Variants in GSTM2 observed in about 807,000 individuals in gnomAD.
The protein encoded by GSTM2 is GST class-mu 2.
A neutral mutation model predicts 33.3 loss-of-function variants in GSTM2; 33 were observed. That is an observed-to-expected ratio of 0.99 (90% CI 0.75 to 1.33). GSTM2 has a LOEUF of 1.33. Ranked by LOEUF, GSTM2 falls within the 40% of genes most tolerant of loss-of-function variation. The pLI is 0.00. For missense variants in GSTM2, 213 were observed against 265.8 expected, an observed-to-expected ratio of 0.80 and a Z score of 1.38; for synonymous variants, 93 against 95.6, an observed-to-expected ratio of 0.97 and a Z score of 0.16.
downstream of GSTM2, among the ~76,000 whole-genome samples, chr1:109,677,140 T>C (rs993266192): frequency 1.3e-5 from 2 of 152,224 alleles, no homozygotes; most frequent in Non-Finnish European, 2.9e-5. Context: ...AAGATCCTAC[T>C]GTATCCCCAC....
chr1:109,670,088 C>CGGAGGGGGGGAGGGGAGT (rs1647475212), intron 5 of GSTM2: 1 of 3,676 alleles, frequency 2.7e-4, no homozygotes, highest in Non-Finnish European at 5.7e-4. Context: ...TTGGGAAGGG[C>CGGAGGGGGGGAGGGGAGT]GGAGGTGGGG....
chr1:109,669,269 C>G, intron 3 of GSTM2, 21 bp from the exon 4 acceptor site: 1 of 1,613,928 alleles, frequency 6.2e-7, no homozygotes, highest in Non-Finnish European at 8.5e-7. Context: ...ACTGAGCTTC[C>G]CCGGTTTCCC....
chr1:109,673,178 T>C, intron 7 of GSTM2: 1 of 1,610,690 alleles, frequency 6.2e-7, no homozygotes, highest in Non-Finnish European at 8.5e-7. Context: ...CCTCTTCCTC[T>C]CTTTTTTTCC....
Position 109,668,472 on chromosome 1 carries a change from C to G in GSTM2, c.84C>G (p.Tyr28Ter), listed in dbSNP as rs1369888752. Residue 28 changes from tyrosine to a stop codon, truncating the protein, a stop_gained, in exon 2 of 8, where the codon TAC (tyrosine) becomes TAG (stop). Transcript: ENST00000241337. LOFTEE classifies it high-confidence loss of function. ...TCCTGGAATACACAGACTCAAGCTA[C>G]GAGGAAAAGAAGTACACGATGGGGG... Reference protein sequence around the residue: ...RLLLEYTDSSYEEKKYTMGDA... With the variant: ...RLLLEYTDSS 2 of 1,614,146 alleles carry G rather than the reference C, an allele frequency of 1.2e-6. No homozygotes were observed. The highest frequency in any genetic ancestry group is 1.3e-5 in the African/African-American group (1 of 75,034).
rs1376081939 is a variant in GSTM2, at chr1:109,669,375, A to C, written c.259+4A>C. 1.9e-6 allele frequency: 3 copies of C among 1,614,198 alleles called. No individual in the cohort carries two copies. In the South Asian group the frequency reaches 3.3e-5, roughly 18 times the overall value. ...ATTGCCCGCAAGCACAACCTGTGTG[A>C]GTAGATTTGGTTGCAAGATGCGGGG... On this transcript the variant is annotated splice_donor_region_variant and intron_variant, in intron 4 of 7. Coordinates refer to ENST00000241337, the MANE Select transcript of GSTM2 (RefSeq NM_000848.4).
Position 109,668,130 on chromosome 1 carries a change from G to A in GSTM2, c.15G>A (p.Leu5=), listed in dbSNP as rs142173575. The change falls in exon 1 of 8, where the codon CTG becomes CTA. Residue 5 remains leucine, a synonymous_variant. Coordinates refer to ENST00000241337, the MANE Select transcript of GSTM2 (RefSeq NM_000848.4). MPMT[L]GYWNIRGLAH... is the part of the protein sequence containing the mutation. The stretch of plus-strand genomic sequence containing the variant: ...CAACCAGCACCATGCCCATGACACT[G>A]GGGTACTGGAACATCCGCGGGGTGA... 3.7e-6 allele frequency: 6 copies of A among 1,613,886 alleles called. No homozygotes were observed. The African/African-American group carries it at 6.7e-5, about 18-fold the overall frequency.
At chr1:109,673,689 T>C (rs1365614838) in intron 7 of GSTM2, among the ~76,000 whole-genome samples, 3 of 152,282 alleles carry the variant, frequency 2.0e-5, no homozygotes, top group East Asian at 1.9e-4. Context: ...AACCTCCGCT[T>C]CCTGGGTTCA....
At chr1:109,671,809 A>T (rs1647553484) in intron 7 of GSTM2, among the ~76,000 whole-genome samples, 1 of 152,026 alleles carries the variant, frequency 6.6e-6, no homozygotes, top group African/African-American at 2.4e-5. Context: ...TTTACTAAAA[A>T]AAAATACAAA....
At chr1:109,668,877 G>A in intron 2 of GSTM2, 48 bp from the exon 3 acceptor site, 1 of 1,609,854 alleles carries the variant, frequency 6.2e-7, no homozygotes, top group South Asian at 1.1e-5. Flanking sequence ...CAGGAAGGAG[G>A]GCTGGGCTTT....
rs1361959913 is a variant in GSTM2 at position 109,680,307 on chromosome 1, G to A, written c.567+8724G>A. On this transcript the variant is annotated intron_variant, in intron 7 of 7. Transcript: ENST00000369831. Reference sequence around the variant, plus strand: ...AAAAAAAAAAAAAAATACACAAGTGGGTCACCATCATCAATAAGTAAGTTT... The same window carrying A: ...AAAAAAAAAAAAAAATACACAAGTGAGTCACCATCATCAATAAGTAAGTTT... 1.3e-5 allele frequency among the ~76,000 whole-genome samples: 2 copies of A among 151,378 alleles called. 1 individual carries two copies. The highest frequency in any genetic ancestry group is 3.9e-4 in the East Asian group (2 of 5,168).
chr1:109,672,867 TC>T (rs1647595807), intron 7 of GSTM2, among the ~76,000 whole-genome samples: 2 of 128,424 alleles, frequency 1.6e-5, no homozygotes, highest in South Asian at 2.6e-4. Context: ...CTTCTCTACC[TC>T]TTTTTTTTTT....
At chr1:109,679,844 C>T (rs903415540), downstream of GSTM2, among the ~76,000 whole-genome samples, 28 of 152,106 alleles carry the variant, frequency 1.8e-4, no homozygotes, top group Non-Finnish European at 3.1e-4. Context: ...AGAAGTGATT[C>T]GCCTTTGAAT....
chr1:109,674,832 A>G lies in GSTM2; in HGVS notation c.653A>G (p.Lys218Arg). The change falls in exon 8 of 8, where the codon AAG (lysine) becomes AGG (arginine). Residue 218 changes from lysine to arginine, a missense_variant. Transcript: ENST00000241337. Reference protein sequence around the residue: ...VFTKMAVWGNK With the variant: ...VFTKMAVWGNR The stretch of plus-strand genomic sequence containing the variant: ...ACAAAGATGGCTGTCTGGGGCAACA[A>G]GTAGGGCCTTGAAGGCCAGGAGGTG... The G allele has an allele frequency of 1.2e-6, 2 of 1,614,160 alleles. No homozygotes were observed. The highest frequency in any genetic ancestry group is 1.1e-5 in the South Asian group (1 of 91,082).
At chr1:109,678,620 C>T (rs1434785300), downstream of GSTM2, among the ~76,000 whole-genome samples, 3 of 151,362 alleles carry the variant, frequency 2.0e-5, no homozygotes, top group East Asian at 1.9e-4. Flanking sequence ...TATTTTTGGG[C>T]GTGGTGGAGC....
intron 4 of GSTM2, 24 bp from the exon 5 acceptor site, chr1:109,669,447 A>AGGCT: frequency 6.2e-7 from 1 of 1,613,464 alleles, no homozygotes; most frequent in Non-Finnish European, 8.5e-7. Context: ...TGAGGCTGAG[A>AGGCT]GTGAATCTGC....
At chr1:109,673,087 C>A in intron 7 of GSTM2, 1 of 1,273,392 alleles carries the variant, frequency 7.9e-7, no homozygotes, top group South Asian at 1.3e-5. Context: ...CCAGGCTGGT[C>A]TCAAACTCCT....
At chr1:109,676,476 C>G (rs138206744), downstream of GSTM2, among the ~76,000 whole-genome samples, 1 of 152,010 alleles carries the variant, frequency 6.6e-6, no homozygotes, top group Non-Finnish European at 1.5e-5. Flanking sequence ...CTCAGCCTCC[C>G]GAGTAGCTGG....
chr1:109,669,120 C>T, intron 3 of GSTM2, 131 bp downstream of exon 3: 1 of 1,263,962 alleles, frequency 7.9e-7, no homozygotes, highest in South Asian at 1.2e-5. Context: ...GCTGTCTACA[C>T]AGCCCTTGCA....
chr1:109,680,358 G>A (rs557160991), intron 7 of GSTM2, among the ~76,000 whole-genome samples: 9 of 150,646 alleles, frequency 6.0e-5, no homozygotes, highest in African/African-American at 2.2e-4. Context: ...AAGATAAAAC[G>A]CTGCAGCATA....
Sources: gnomAD v4.1 joint callset for allele counts (sites outside exome capture counted in the v4.1 genomes callset) on GRCh38, gnomAD v4.1.1 for gene constraint, MANE v1.5 for transcripts, NCBI Gene and HGNC (gene_info 2026-07-23, HGNC 2026-07-21) for gene names.